TBC1D19: variants seen among roughly 807,000 people sequenced by gnomAD.
TBC1D19 encodes TBC1 domain family member 19, also known as TBC1 domain family, member 19.
A neutral mutation model predicts 89.0 loss-of-function variants in TBC1D19; 60 were observed. The observed-to-expected ratio is 0.67, with a 90% CI of 0.55 to 0.84. The LOEUF is 0.84. Ranked by LOEUF, TBC1D19 falls within the 40% of genes least tolerant of loss-of-function variation. The pLI is 0.00. For synonymous variants in TBC1D19, 189 were observed against 199.7 expected (o/e 0.95, Z 0.45); for missense variants, 500 against 610.8 (o/e 0.82, Z 1.91).
intron 10 of TBC1D19, among the ~76,000 whole-genome samples, chr4:26,673,446 T>TATATATATATATACACACACAC (rs373807642): frequency 1.1e-3 from 104 of 90,844 alleles, no homozygotes; most frequent in Middle Eastern, 6.7e-3. Context: ...TATATATATA[T>TATATATATATATACACACACAC]ACACACACAC....
At chr4:26,848,436 C>T in the TBC1D19 span, among the ~76,000 whole-genome samples, 1 of 152,182 alleles carries the variant, frequency 6.6e-6, no homozygotes, top group East Asian at 1.9e-4. Context: ...CACTTTTGCT[C>T]CTGCATGTAC....
At chr4:26,636,472 A>G (rs1218491871) in intron 4 of TBC1D19, among the ~76,000 whole-genome samples, 2 of 141,496 alleles carry the variant, frequency 1.4e-5, no homozygotes, top group Admixed American at 7.5e-5. Context: ...TGGACCTTTC[A>G]AGAAAGTCAG....
At chr4:26,839,615 A>C in the TBC1D19 span, among the ~76,000 whole-genome samples, 1 of 151,966 alleles carries the variant, frequency 6.6e-6, no homozygotes, top group Non-Finnish European at 1.5e-5. Flanking sequence ...TGAAAAAATT[A>C]GTCTCTACCC....
At chr4:26,835,975 C>CTA in the TBC1D19 span, among the ~76,000 whole-genome samples, 1 of 40,826 alleles carries the variant, frequency 2.4e-5, no homozygotes, top group Non-Finnish European at 5.2e-5. Context: ...ATGTGAAGTG[C>CTA]TCTCTCTCTC....
intron 7 of TBC1D19, 117 bp from the exon 8 acceptor site, chr4:26,659,480 G>T: frequency 1.8e-6 from 1 of 543,340 alleles, no homozygotes; most frequent in South Asian, 3.2e-5. Flanking sequence ...TAAAGTATGT[G>T]CATCACCCAA....
the TBC1D19 span, among the ~76,000 whole-genome samples, chr4:26,852,414 G>T: frequency 6.6e-6 from 1 of 152,074 alleles, no homozygotes; most frequent in Non-Finnish European, 1.5e-5. Flanking sequence ...AAAATTAGCT[G>T]GGTGTGGTAG....
chr4:26,734,990 A>G (rs13135894), intron 15 of TBC1D19, among the ~76,000 whole-genome samples: 119 of 78,866 alleles, frequency 1.5e-3, no homozygotes, highest in East Asian at 6.3e-3. Context: ...ATGTATATGT[A>G]TATATGTATA....
chr4:26,576,978 C>T, intron 1 of TBC1D19: 1 of 402,160 alleles, frequency 2.5e-6, no homozygotes, highest in Admixed American at 2.6e-5. Flanking sequence ...AAAACATTTA[C>T]AGTCAGTTGA....
At chr4:26,740,924 C>T (rs1718330229) in intron 17 of TBC1D19, 1 of 985,266 alleles carries the variant, frequency 1.0e-6, no homozygotes, top group African/African-American at 1.7e-5. Flanking sequence ...TCACAGAATT[C>T]CAGGATGTTA....
At chr4:26,593,032 T>A (rs1739928217) in intron 1 of TBC1D19, among the ~76,000 whole-genome samples, 2 of 152,138 alleles carry the variant, frequency 1.3e-5, no homozygotes, top group Non-Finnish European at 2.9e-5. Flanking sequence ...CATTGCCAAG[T>A]CAATCCTAAG....
At chr4:26,602,096 T>G (rs1560409391) in intron 1 of TBC1D19, among the ~76,000 whole-genome samples, 1 of 152,240 alleles carries the variant, frequency 6.6e-6, no homozygotes, top group Non-Finnish European at 1.5e-5. Context: ...GTTTGTAGGT[T>G]GAAATCTTTC....
intron 13 of TBC1D19, among the ~76,000 whole-genome samples, chr4:26,696,887 A>G (rs888884013): frequency 5.3e-5 from 8 of 152,222 alleles, no homozygotes; most frequent in African/African-American, 1.9e-4. Context: ...ATAGCACTAA[A>G]TGCCCACAAG....
Position 26,664,628 on chromosome 4 carries a change from C to CT in TBC1D19, c.592-1689dup, listed in dbSNP as rs34385885. On this transcript the variant is annotated intron_variant, in intron 8 of 20. Coordinates refer to ENST00000264866, the MANE Select transcript of TBC1D19 (RefSeq NM_018317.4). ...GAAATTGGTAACATAAGATGCAGTACTTTTTTTTTTTTTTTTGCAGTTGCA... is the reference window on the plus strand; with the variant it reads ...GAAATTGGTAACATAAGATGCAGTACTTTTTTTTTTTTTTTTTGCAGTTGCA... Among the ~76,000 whole-genome samples, 375 of 136,190 alleles carry CT rather than the reference C, an allele frequency of 2.8e-3. 1 individual carries two copies. Among genetic ancestry groups the CT allele is most frequent in the East Asian group, 6.8e-3 (32 of 4,718 alleles). 89.3% of individuals were successfully genotyped at this position (136,190 alleles called of 152,430 possible). A position where few individuals can be genotyped will look rare whatever the true frequency, so the allele number is the denominator to read the frequency against.
At chr4:26,749,471 C>G (rs1718833435) in intron 19 of TBC1D19, among the ~76,000 whole-genome samples, 1 of 131,516 alleles carries the variant, frequency 7.6e-6, no homozygotes, top group African/African-American at 2.8e-5. Flanking sequence ...TTTTTTGAGA[C>G]ACTCTTACTC....
At chr4:26,627,067 G>C (rs1275403453) in intron 4 of TBC1D19, among the ~76,000 whole-genome samples, 1 of 151,740 alleles carries the variant, frequency 6.6e-6, no homozygotes, top group East Asian at 1.9e-4. Context: ...AGTCCCCAGG[G>C]TGTGATGTTC....
At chr4:26,829,207 T>A in the TBC1D19 span, among the ~76,000 whole-genome samples, 1 of 152,196 alleles carries the variant, frequency 6.6e-6, no homozygotes, top group Non-Finnish European at 1.5e-5. Context: ...ACCAAATGCC[T>A]TAATGGGAAA....
At chr4:26,852,487 G>C in the TBC1D19 span, among the ~76,000 whole-genome samples, 2 of 152,184 alleles carry the variant, frequency 1.3e-5, no homozygotes, top group African/African-American at 4.8e-5. Flanking sequence ...AGCCCGAGAA[G>C]TCAAGGCTGC....
At chr4:26,588,741 G>T (rs1364312081) in intron 1 of TBC1D19, among the ~76,000 whole-genome samples, 1 of 151,988 alleles carries the variant, frequency 6.6e-6, no homozygotes, top group African/African-American at 2.4e-5. Flanking sequence ...TTCTCTTATG[G>T]TCAAGAATAA....
At chr4:26,582,049 G>A (rs1468648274), upstream of TBC1D19, among the ~76,000 whole-genome samples, 1 of 150,054 alleles carries the variant, frequency 6.7e-6, no homozygotes, top group Non-Finnish European at 1.5e-5. Flanking sequence ...GCTTATAATT[G>A]TTCTCTTCTT....
Sources: allele counts gnomAD v4.1 joint callset (sites outside exome capture counted in the v4.1 genomes callset), GRCh38; gene constraint gnomAD v4.1.1; transcripts MANE v1.5; gene names NCBI Gene and HGNC (gene_info 2026-07-23, HGNC 2026-07-21).